Variants in GLG1 observed in about 807,000 individuals in gnomAD.
GLG1 encodes golgi glycoprotein 1, also known as Golgi apparatus protein 1.
In GLG1, 38 loss-of-function variants were observed where a neutral mutation model predicts 160.5. The ratio of observed to expected loss-of-function variants is 0.24; its 90% CI spans 0.18 to 0.31. GLG1 has a LOEUF of 0.31. GLG1 is among the 10% of genes least tolerant of loss of function. The pLI, the probability that GLG1 is intolerant of heterozygous loss-of-function variation, is 1.00. For synonymous variants in GLG1, 644 were observed against 543.4 expected (o/e 1.19, Z -2.57); for missense variants, 1,373 against 1,505.2 (o/e 0.91, Z 1.45).
intron 1 of GLG1, among the ~76,000 whole-genome samples, chr16:74,578,294 C>T (rs1215946441): frequency 1.3e-5 from 2 of 152,096 alleles, no homozygotes; most frequent in Non-Finnish European, 2.9e-5. Context: ...CAACTAATGC[C>T]ATCTCCTGCA....
chr16:74,495,334 G>A (rs1342547507), intron 5 of GLG1, among the ~76,000 whole-genome samples: 6 of 152,068 alleles, frequency 3.9e-5, no homozygotes, highest in South Asian at 2.1e-4. Flanking sequence ...GGCTGGTCTC[G>A]AACTCCTGAC....
chr16:74,606,597 C>G, intron 1 of GLG1, 60 bp downstream of exon 1: 1 of 1,424,348 alleles, frequency 7.0e-7, no homozygotes, highest in South Asian at 1.4e-5. Context: ...CTTCCAAGGC[C>G]GGCAACACCC....
chr16:74,590,536 G>A (rs1480676221), intron 1 of GLG1, among the ~76,000 whole-genome samples: 3 of 151,008 alleles, frequency 2.0e-5, no homozygotes, highest in Non-Finnish European at 4.4e-5. Flanking sequence ...CAGGAGAATG[G>A]CGTGAATCCA....
intron 1 of GLG1, chr16:74,552,177 C>G: frequency 2.9e-6 from 1 of 350,386 alleles, no homozygotes. Flanking sequence ...TTCAAATGTC[C>G]TGACTTGGAA....
chr16:74,470,146 T>TC, intron 15 of GLG1, 73 bp from the exon 16 acceptor site: 1 of 851,886 alleles, frequency 1.2e-6, no homozygotes, highest in Non-Finnish European at 2.0e-6. Context: ...GCGCACTTTT[T>TC]CATATAGCTC....
intron 19 of GLG1, 56 bp downstream of exon 19, chr16:74,465,620 T>C (rs1231423641): frequency 1.3e-5 from 20 of 1,575,704 alleles, no homozygotes. Flanking sequence ...TGCCATTGTT[T>C]GTGCTTTGTT....
intron 1 of GLG1, among the ~76,000 whole-genome samples, chr16:74,577,235 T>C (rs199805622): frequency 4.6e-5 from 7 of 151,872 alleles, no homozygotes; most frequent in East Asian, 3.9e-4. Context: ...AAAATAGACA[T>C]TGAGGACTGG....
chr16:74,504,066 T>C (rs1253723816), intron 3 of GLG1, among the ~76,000 whole-genome samples: 1 of 152,184 alleles, frequency 6.6e-6, no homozygotes, highest in East Asian at 1.9e-4. Context: ...TGTTAACATC[T>C]ACAGCTTTGG....
At chr16:74,483,002 C>A (rs2015659042) in intron 10 of GLG1, 21 bp downstream of exon 10, 1 of 1,285,496 alleles carries the variant, frequency 7.8e-7, no homozygotes, top group Non-Finnish European at 1.1e-6. Flanking sequence ...AATACATTTA[C>A]TTTGGCTTCA....
At chr16:74,510,091 G>C (rs916028854) in intron 2 of GLG1, among the ~76,000 whole-genome samples, 26 of 151,156 alleles carry the variant, frequency 1.7e-4, no homozygotes, top group Middle Eastern at 3.4e-3. Context: ...CAGTGCAATG[G>C]CGCGATCTCG....
chr16:74,575,489 A>G (rs2018976780), intron 1 of GLG1, among the ~76,000 whole-genome samples: 1 of 152,252 alleles, frequency 6.6e-6, no homozygotes, highest in African/African-American at 2.4e-5. Context: ...TGACCAGGTA[A>G]CCAGAGGACT....
chr16:74,482,882 T>C, intron 10 of GLG1, 141 bp downstream of exon 10: 4 of 635,358 alleles, frequency 6.3e-6, no homozygotes, highest in South Asian at 5.2e-5. Flanking sequence ...GAATAGTTTT[T>C]CAGGGGATTG....
chr16:74,475,126 C>A lies in GLG1; in HGVS notation c.1966-494G>T, dbSNP rs2015350510. Among the ~76,000 whole-genome samples, 5 of 132,270 alleles carry A rather than the reference C, an allele frequency of 3.8e-5. No individual in the cohort carries two copies. In the South Asian group the frequency reaches 1.2e-3, roughly 31 times the overall value. The allele number at this position is 132,270 out of a possible 152,430, so 86.8% of individuals were successfully genotyped here. A position where few individuals can be genotyped will look rare whatever the true frequency, so the allele number is the denominator to read the frequency against. On this transcript the variant is annotated intron_variant, in intron 12 of 25. Coordinates refer to ENST00000422840, the MANE Select transcript of GLG1 (RefSeq NM_001145667.2). The stretch of plus-strand genomic sequence containing the variant: ...AAGCCAGGATCGTGCCACTGCACTG[C>A]AGCCTGGGCAACAAGAGTGAAACTC...
At chr16:74,593,910 C>G (rs8058229) in intron 1 of GLG1, among the ~76,000 whole-genome samples, 150,909 of 152,274 alleles carry the variant, frequency 0.99, 74,787 homozygotes, top group African/African-American at 1. Flanking sequence ...TTATTTTTTT[C>G]TTGTTGTCAT....
chr16:74,535,043 A>C (rs1475969794), intron 1 of GLG1, among the ~76,000 whole-genome samples: 2 of 152,170 alleles, frequency 1.3e-5, no homozygotes, highest in South Asian at 2.1e-4. Context: ...TGGTAGTACA[A>C]AGAAAAGAGA....
At chr16:74,533,245 C>T (rs71391094) in intron 1 of GLG1, among the ~76,000 whole-genome samples, 2 of 151,990 alleles carry the variant, frequency 1.3e-5, no homozygotes, top group East Asian at 2.0e-4. Flanking sequence ...CGCATGAACC[C>T]GGGAGGCGGA....
chr16:74,576,677 T>A (rs2019012994), intron 1 of GLG1, among the ~76,000 whole-genome samples: 1 of 152,212 alleles, frequency 6.6e-6, no homozygotes, highest in Non-Finnish European at 1.5e-5. Flanking sequence ...GAGTGCTTCA[T>A]AAAATAAGGT....
intron 25 of GLG1, 92 bp from the exon 26 acceptor site, chr16:74,453,426 A>C: frequency 1.3e-6 from 1 of 752,104 alleles, no homozygotes; most frequent in South Asian, 1.8e-5. Flanking sequence ...TCCTAGTTTA[A>C]TTTATGTCTT....
chr16:74,482,820 A>T (rs1444817437), intron 10 of GLG1, among the ~76,000 whole-genome samples: 2 of 152,224 alleles, frequency 1.3e-5, no homozygotes, highest in African/African-American at 2.4e-5. Context: ...TGTGTGGTAC[A>T]GGCTGGTAGT....
Sources: allele counts gnomAD v4.1 joint callset (sites outside exome capture counted in the v4.1 genomes callset), GRCh38; gene constraint gnomAD v4.1.1; transcripts MANE v1.5; gene names NCBI Gene and HGNC (gene_info 2026-07-23, HGNC 2026-07-21).